The following ATP9B variants were observed in gnomAD, a reference collection of about 807,000 sequenced individuals.
ATP9B encodes ATPase phospholipid transporting 9B.
In ATP9B, 110 loss-of-function variants were observed where a neutral mutation model predicts 146.1. The observed-to-expected ratio is 0.75, with a 90% CI of 0.65 to 0.88. ATP9B has a LOEUF of 0.88. Ranked by LOEUF, ATP9B falls within the 40% of genes least tolerant of loss-of-function variation. ATP9B has a pLI of 0.00. For synonymous variants in ATP9B, 604 were observed against 569.7 expected, an observed-to-expected ratio of 1.06 and a Z score of -0.86; for missense variants, 1,499 against 1,496.4, an observed-to-expected ratio of 1.00 and a Z score of -0.03.
intron 15 of ATP9B, among the ~76,000 whole-genome samples, chr18:79,324,511 A>G (rs775454268): frequency 1.5e-4 from 23 of 152,132 alleles, no homozygotes; most frequent in Non-Finnish European, 2.8e-4. Flanking sequence ...ACAGATACAG[A>G]TGTCAAGCAG....
intron 9 of ATP9B, among the ~76,000 whole-genome samples, chr18:79,202,279 C>T (rs576586644): frequency 6.6e-6 from 1 of 152,250 alleles, no homozygotes; most frequent in Admixed American, 6.5e-5. Context: ...ACTTATTGTT[C>T]AAAATCTGTA....
chr18:79,219,062 G>A (rs2095654539), intron 11 of ATP9B, among the ~76,000 whole-genome samples: 1 of 152,184 alleles, frequency 6.6e-6, no homozygotes, highest in African/African-American at 2.4e-5. Context: ...AGCATTTTAG[G>A]GAGTGGCCAG....
Position 79,239,043 on chromosome 18 carries a change from G to A in ATP9B, c.1108-14338G>A, listed in dbSNP as rs2095867071. ...GTTTCTCTGCTTCATGCCTCAGGTA[G>A]GCAGGCTCAAGGAGAGCCTCCAGCC... On this transcript the variant is annotated intron_variant, in intron 11 of 29. Transcript: ENST00000426216. This position sits in a 1 kb window ranked among gnomAD's most constrained non-coding sequence, Gnocchi z 5.1. 6.6e-6 allele frequency among the ~76,000 whole-genome samples: 1 copy of A among 152,190 alleles called. No individual in the cohort carries two copies. The highest frequency in any genetic ancestry group is 2.4e-5 in the African/African-American group (1 of 41,434).
chr18:79,085,787 G>A (rs2073765505), intron 1 of ATP9B: 1 of 152,176 alleles, frequency 6.6e-6, no homozygotes, highest in African/African-American at 2.4e-5. Context: ...TCTTACAATA[G>A]TTAAGTGTTA....
chr18:79,297,492 A>G (rs1245755447), intron 13 of ATP9B, among the ~76,000 whole-genome samples: 1 of 152,214 alleles, frequency 6.6e-6, no homozygotes, highest in African/African-American at 2.4e-5. Flanking sequence ...TATTAAATAC[A>G]CATTTTATAT....
intron 2 of ATP9B, among the ~76,000 whole-genome samples, chr18:79,104,586 G>A (rs554236111): frequency 1.3e-5 from 2 of 151,614 alleles, no homozygotes; most frequent in East Asian, 3.9e-4. Flanking sequence ...CAAGTGAAAT[G>A]TAACAGCCAA....
intron 19 of ATP9B, 49 bp downstream of exon 19, chr18:79,337,498 A>G: frequency 1.9e-6 from 3 of 1,580,664 alleles, no homozygotes; most frequent in Non-Finnish European, 1.7e-6. Context: ...GCTGAAGCAA[A>G]CAGTGCTTTT....
intron 8 of ATP9B, among the ~76,000 whole-genome samples, chr18:79,191,658 G>A (rs1281813919): frequency 1.3e-5 from 2 of 152,114 alleles, no homozygotes; most frequent in Non-Finnish European, 2.9e-5. Flanking sequence ...GTGCTTCTCT[G>A]TTCTTAAATA....
chr18:79,336,778 C>T, intron 18 of ATP9B, 67 bp downstream of exon 18: 1 of 1,502,784 alleles, frequency 6.7e-7, no homozygotes. Flanking sequence ...ATTAGTTCTT[C>T]CTGTCTTTGT....
intron 7 of ATP9B, among the ~76,000 whole-genome samples, chr18:79,157,872 T>C (rs759627231): frequency 6.6e-5 from 10 of 152,220 alleles, no homozygotes; most frequent in Non-Finnish European, 1.5e-4. Flanking sequence ...TTGTTCCTGA[T>C]TTTAGTAATT....
At chr18:79,094,237 G>A (rs1191906169) in intron 1 of ATP9B, among the ~76,000 whole-genome samples, 1 of 152,180 alleles carries the variant, frequency 6.6e-6, no homozygotes, top group Non-Finnish European at 1.5e-5. Context: ...ATTTGGGTTT[G>A]GGCACATTTT....
At chr18:79,277,948 C>T (rs902752979) in intron 13 of ATP9B, among the ~76,000 whole-genome samples, 15 of 152,056 alleles carry the variant, frequency 9.9e-5, no homozygotes, top group Non-Finnish European at 1.5e-5. Flanking sequence ...TAGAAAAATC[C>T]TCACTATAGT....
In ATP9B at chr18:79,342,593, A is replaced by T. The variant is rs891406243; in HGVS notation, c.2382+227A>T. Among the ~76,000 whole-genome samples the T allele has an allele frequency of 4.7e-5, 7 of 150,128 alleles. No individual in the cohort carries two copies. In the East Asian group the frequency reaches 7.7e-4, roughly 17 times the overall value. On this transcript the variant is annotated intron_variant, in intron 20 of 29. Coordinates refer to ENST00000426216, the MANE Select transcript of ATP9B (RefSeq NM_198531.5). ...CCTAAAACTTTAAGTATAATAATAA[A>T]AAATAAATAAATAATTAATTAATTA... is the stretch of plus-strand genomic sequence containing the variant.
chr18:79,238,265 A>G (rs2095859908), intron 11 of ATP9B, among the ~76,000 whole-genome samples: 1 of 150,592 alleles, frequency 6.6e-6, no homozygotes, highest in Non-Finnish European at 1.5e-5. Context: ...GAATGAGAAC[A>G]TTGGCAACTA....
At chr18:79,374,722 C>G (rs2097093572) in intron 28 of ATP9B, among the ~76,000 whole-genome samples, 1 of 152,242 alleles carries the variant, frequency 6.6e-6, no homozygotes, top group African/African-American at 2.4e-5. Flanking sequence ...TGTTCCTGTT[C>G]TTACATAAAA....
At chr18:79,238,329 G>A (rs2095860285) in intron 11 of ATP9B, among the ~76,000 whole-genome samples, 1 of 151,972 alleles carries the variant, frequency 6.6e-6, no homozygotes, top group South Asian at 2.1e-4. Context: ...TCATCTCAAG[G>A]CTGTGGGGAG....
chr18:79,254,857 A>C (rs1348834723), intron 12 of ATP9B: 1 of 152,288 alleles, frequency 6.6e-6, no homozygotes, highest in Non-Finnish European at 1.5e-5. Context: ...ACCTTTCCTC[A>C]GAGAGGCTGC....
rs191001587 is a variant in ATP9B, at chr18:79,131,890, G to A, written c.667+5515G>A. Reference sequence around the variant, plus strand: ...CCCATATTGTGTGACTTCATCTATAGGAGATATCCACAATTGGTAAATTAG... The same window carrying A: ...CCCATATTGTGTGACTTCATCTATAAGAGATATCCACAATTGGTAAATTAG... On this transcript the variant is annotated intron_variant, in intron 5 of 29. Coordinates refer to ENST00000426216, the MANE Select transcript of ATP9B (RefSeq NM_198531.5). Among the ~76,000 whole-genome samples the A allele has an allele frequency of 4.6e-3, 696 of 152,340 alleles. 1 individual carries two copies. The highest frequency in any genetic ancestry group is 8.2e-3 in the Non-Finnish European group (557 of 68,034).
intron 12 of ATP9B, among the ~76,000 whole-genome samples, chr18:79,265,352 G>A (rs542035520): frequency 3.0e-4 from 45 of 152,112 alleles, no homozygotes; most frequent in Admixed American, 4.6e-4. Flanking sequence ...TTCCTTGTTG[G>A]TTGGGCTGGT....
Sources: gnomAD v4.1 joint callset for allele counts (sites outside exome capture counted in the v4.1 genomes callset) on GRCh38, gnomAD v4.1.1 for gene constraint, Gnocchi (gnomAD v3.1) non-coding constraint, MANE v1.5 for transcripts, NCBI Gene and HGNC (gene_info 2026-07-23, HGNC 2026-07-21) for gene names.